The following MPDZ variants were observed in gnomAD, a reference collection of about 807,000 sequenced individuals.
MPDZ encodes the protein multiple PDZ domain protein.
In MPDZ, 234 loss-of-function variants were observed where a neutral mutation model predicts 239.1. The observed-to-expected ratio is 0.98, with a 90% CI of 0.88 to 1.09. MPDZ has a LOEUF of 1.09. Ranked by LOEUF, MPDZ falls within the 50% of genes least tolerant of loss-of-function variation. The pLI is 0.00. For missense variants in MPDZ, 3,175 were observed against 2,510.0 expected, an observed-to-expected ratio of 1.26 and a Z score of -5.66; for synonymous variants, 1,048 against 881.3, an observed-to-expected ratio of 1.19 and a Z score of -3.35.
At chr9:13,183,305 G>A in intron 19 of MPDZ, 113 bp downstream of exon 19, 1 of 805,330 alleles carries the variant, frequency 1.2e-6, no homozygotes, top group Non-Finnish European at 1.8e-6. Flanking sequence ...TCCACAACTG[G>A]AGAAACATAA....
rs1274826117 is a variant in MPDZ, at chr9:13,221,396, A to G, written c.852T>C (p.Ile284=). 3.7e-6 allele frequency: 6 copies of G among 1,609,938 alleles called. 1 individual carries two copies. The South Asian group carries it at 6.6e-5, about 18-fold the overall frequency. Residue 284 remains isoleucine, a synonymous_variant, in exon 7 of 47, where the codon ATT becomes ATC. Coordinates refer to ENST00000319217, the MANE Select transcript of MPDZ (RefSeq NM_001378778.1). ...CCTGATCAGCTACTCCTCCAGGCAG[A>G]ATGGTTTTTACTATCACACCAGTTG... The part of the protein sequence containing the change: ...GKATGVIVKT[I]LPGGVADQHG...
Position 13,143,469 on chromosome 9 carries a change from G to T in MPDZ, c.3837C>A (p.Asp1279Glu), listed in dbSNP as rs745439826. 6.2e-6 allele frequency: 10 copies of T among 1,610,618 alleles called. No homozygotes were observed. Among genetic ancestry groups the T allele is most frequent in the Non-Finnish European group, 8.5e-6 (10 of 1,177,260 alleles). Residue 1279 changes from aspartate (D) to glutamate (E), a missense_variant, in exon 27 of 47, where the codon GAC (aspartate) becomes GAA (glutamate). By Grantham distance (45) the Asp-to-Glu change is conservative. Coordinates refer to ENST00000319217, the MANE Select transcript of MPDZ (RefSeq NM_001378778.1). ...PFADSLQINA[D>E]KAPSQSESEP... ...AAGACAATGGGCATTATCCAACCTT[G>T]TCGGCGTTGATTTGTAGAGAGTCAG...
intron 36 of MPDZ, 148 bp downstream of exon 36, chr9:13,123,005 A>T (rs758728431): frequency 1.2e-6 from 1 of 814,754 alleles, no homozygotes; most frequent in Non-Finnish European, 1.8e-6. Context: ...ATCCAATTGA[A>T]TATTTGCCCT....
intron 28 of MPDZ, among the ~76,000 whole-genome samples, chr9:13,139,412 C>T (rs1258165041): frequency 2.6e-5 from 4 of 152,136 alleles, no homozygotes; most frequent in East Asian, 1.9e-4. Flanking sequence ...GACTGCTGGG[C>T]GCCAGGCACT....
Position 13,136,720 on chromosome 9 carries a change from AATT to A in MPDZ, c.4281_4283del (p.Ile1428del). 6.3e-7 allele frequency: 1 copy of A among 1,578,844 alleles called. No homozygotes were observed. The highest frequency in any genetic ancestry group is 1.2e-5 in the South Asian group (1 of 86,612). On this transcript the variant is annotated inframe_deletion, in exon 30 of 47. Transcript: ENST00000319217. Reference sequence around the variant, plus strand: ...CAAAAGAAAATGATCACCTGATAAAAATTATTTTCACTTTAGAAGGGGCACATT... The same window carrying A: ...CAAAAGAAAATGATCACCTGATAAAAATTTTCACTTTAGAAGGGGCACATT...
At position 13,158,071 on chromosome 9, in the gene MPDZ, ACCCTCT is replaced by A; in HGVS notation, c.3393_3398del (p.Gly1133_Glu1134del). 6.2e-7 allele frequency: 1 copy of A among 1,612,608 alleles called. No individual in the cohort carries two copies. Among genetic ancestry groups the A allele is most frequent in the Non-Finnish European group, 8.5e-7 (1 of 1,179,152 alleles). Reference sequence around the variant, plus strand: ...CTGTGTTTTGAAGTTCGCTTTCTTCACCCTCTCCCTCTTCTCGCTCTGGTAATTCTG... The same window carrying A: ...CTGTGTTTTGAAGTTCGCTTTCTTCACCCTCTTCTCGCTCTGGTAATTCTG... On this transcript the variant is annotated inframe_deletion, in exon 24 of 47. Coordinates refer to ENST00000319217, the MANE Select transcript of MPDZ (RefSeq NM_001378778.1).
chr9:13,276,704 A>T (rs1974282664), intron 1 of MPDZ: 1 of 152,180 alleles, frequency 6.6e-6, no homozygotes, highest in Non-Finnish European at 1.5e-5. Context: ...GCCTCAAAAT[A>T]TTTCATGAAA....
intron 1 of MPDZ, among the ~76,000 whole-genome samples, chr9:13,265,359 C>T (rs999465755): frequency 5.3e-5 from 8 of 152,148 alleles, no homozygotes; most frequent in African/African-American, 1.7e-4. Flanking sequence ...CACCTGAGGT[C>T]GGGAGTTCAA....
At chr9:13,153,804 T>C (rs1032834945) in intron 24 of MPDZ, among the ~76,000 whole-genome samples, 4 of 151,812 alleles carry the variant, frequency 2.6e-5, no homozygotes, top group Non-Finnish European at 5.9e-5. Flanking sequence ...TTCTTAAGAA[T>C]AAAAAATAAA....
intron 17 of MPDZ, among the ~76,000 whole-genome samples, chr9:13,187,026 C>G (rs1406499365): frequency 6.6e-6 from 1 of 152,042 alleles, no homozygotes; most frequent in Non-Finnish European, 1.5e-5. Context: ...GTCACGCTGA[C>G]AGAAAAGCTA....
At chr9:13,190,320 C>T (rs772862398) in intron 15 of MPDZ, 21 bp from the exon 16 acceptor site, 1 of 1,494,132 alleles carries the variant, frequency 6.7e-7, no homozygotes, top group South Asian at 1.5e-5. Flanking sequence ...TCAGACAGCT[C>T]TTATTTCAGA....
intron 39 of MPDZ, among the ~76,000 whole-genome samples, chr9:13,118,788 G>C (rs972402321): frequency 6.6e-6 from 1 of 152,086 alleles, no homozygotes; most frequent in Non-Finnish European, 1.5e-5. Flanking sequence ...AAATGAAACT[G>C]GTTCTGCCTT....
rs768539794 is a variant in MPDZ at position 13,219,764 on chromosome 9, C to T, written c.881G>A (p.Gly294Glu). The part of the protein sequence containing the change: ...ILPGGVADQH[G>E]RLCSGDHILK... ...AATGTGGTCTCCACTGCATAAACGC[C>T]CATGCTGAGTAAAACAATATTGAAT... Residue 294 changes from glycine to glutamate, a missense_variant, in exon 8 of 47, where the codon GGG (glycine) becomes GAG (glutamate). Transcript: ENST00000319217. 6.0e-5 allele frequency: 97 copies of T among 1,612,096 alleles called. No individual in the cohort carries two copies. The South Asian group carries it at 9.3e-4, about 16-fold the overall frequency.
chr9:13,210,452 C>T (rs1195234011), intron 10 of MPDZ, among the ~76,000 whole-genome samples: 1 of 150,276 alleles, frequency 6.7e-6, no homozygotes, highest in Non-Finnish European at 1.5e-5. Context: ...GGAAAGAATG[C>T]TATATACCCT....
At chr9:13,240,579 G>GAAAAAA (rs1965149632) in intron 3 of MPDZ, among the ~76,000 whole-genome samples, 1 of 5,726 alleles carries the variant, frequency 1.7e-4, no homozygotes, top group Admixed American at 2.2e-3. Context: ...CATAATAAAA[G>GAAAAAA]TAAAAAAAAA....
At chr9:13,163,086 G>C (rs1456416212) in intron 22 of MPDZ, among the ~76,000 whole-genome samples, 1 of 152,016 alleles carries the variant, frequency 6.6e-6, no homozygotes, top group Non-Finnish European at 1.5e-5. Flanking sequence ...AAATGAAAAG[G>C]CTAACAACAA....
At chr9:13,278,850 C>A (rs1223611447) in intron 1 of MPDZ, among the ~76,000 whole-genome samples, 1 of 151,930 alleles carries the variant, frequency 6.6e-6, no homozygotes, top group Non-Finnish European at 1.5e-5. Flanking sequence ...CCCGCACATC[C>A]CGGGACCACG....
chr9:13,235,059 T>A (rs1165305655), intron 3 of MPDZ, among the ~76,000 whole-genome samples: 1 of 152,148 alleles, frequency 6.6e-6, no homozygotes, highest in Non-Finnish European at 1.5e-5. Flanking sequence ...TAGAGAGGCC[T>A]CCTTTTTCAT....
chr9:13,107,574 A>C (rs180826343), intron 46 of MPDZ, among the ~76,000 whole-genome samples: 2 of 152,286 alleles, frequency 1.3e-5, no homozygotes, highest in East Asian at 3.9e-4. Flanking sequence ...CAAAAGCACA[A>C]AGCCACCTGA....
Sources: allele counts gnomAD v4.1 joint callset (sites outside exome capture counted in the v4.1 genomes callset), GRCh38; gene constraint gnomAD v4.1.1; transcripts MANE v1.5; gene names NCBI Gene and HGNC (gene_info 2026-07-23, HGNC 2026-07-21).